Variants in ABCF2 observed in about 807,000 individuals in gnomAD.
ABCF2 encodes the protein ATP-binding cassette sub-family F member 2.
In ABCF2, 37 loss-of-function variants were observed where a neutral mutation model predicts 76.9. The observed-to-expected ratio is 0.48, with a 90% CI of 0.37 to 0.63. ABCF2 has a LOEUF of 0.63. Ranked by LOEUF, ABCF2 falls within the 30% of genes least tolerant of loss-of-function variation. The pLI is 0.00. For missense variants in ABCF2, 524 were observed against 782.1 expected (o/e 0.67, Z 3.94); for synonymous variants, 299 against 283.7 (o/e 1.05, Z -0.54).
intron 7 of ABCF2, 43 bp from the exon 8 acceptor site, chr7:151,219,202 G>T (rs1489597531): frequency 6.4e-7 from 1 of 1,560,810 alleles, no homozygotes; most frequent in Admixed American, 1.7e-5. Context: ...CTTTAACCTG[G>T]GTTTCAATCC....
chr7:151,218,723 C>T, intron 9 of ABCF2, 31 bp downstream of exon 9: 1 of 1,611,916 alleles, frequency 6.2e-7, no homozygotes. Flanking sequence ...CCCAACCCCA[C>T]CCAATCACAC....
intron 2 of ABCF2, among the ~76,000 whole-genome samples, chr7:151,225,774 A>G (rs556849798): frequency 6.6e-6 from 1 of 152,334 alleles, no homozygotes; most frequent in South Asian, 2.1e-4. Context: ...TCTAGACGGT[A>G]AGTTTTTGGA....
chr7:151,218,673 A>C (rs1279510808), intron 9 of ABCF2, 23 bp from the exon 10 acceptor site: 2 of 1,613,510 alleles, frequency 1.2e-6, no homozygotes, highest in South Asian at 1.1e-5. Flanking sequence ...GAGGGCATTT[A>C]TCAAGTTGGC....
chr7:151,219,253 T>C lies in ABCF2; in HGVS notation c.922-94A>G. On this transcript the variant is annotated intron_variant, in intron 7 of 14. Transcript: ENST00000287844. ...AGTTTAGGGGGATGAGGGATGGCAC[T>C]AACTTGGCCCTGGCTCTAAGGCTGT... is the stretch of plus-strand genomic sequence containing the variant. 5 of 1,078,340 alleles carry C rather than the reference T, an allele frequency of 4.6e-6. No homozygotes were observed. The South Asian group carries it at 6.2e-5, about 13-fold the overall frequency. 66.8% of individuals were successfully genotyped at this position (1,078,340 alleles called of 1,614,324 possible). A position where few individuals can be genotyped will look rare whatever the true frequency, so the allele number is the denominator to read the frequency against.
rs1802044507 is a variant in ABCF2, at chr7:151,211,531, T to C, written c.*2523A>G. 1.0e-6 allele frequency: 1 copy of C among 985,214 alleles called. No individual in the cohort carries two copies. Among genetic ancestry groups the C allele is most frequent in the Non-Finnish European group, 1.2e-6 (1 of 829,742 alleles). 61.0% of individuals were successfully genotyped at this position (985,214 alleles called of 1,614,324 possible). ...GTGGACTTTTAAAGCATTATTTAAA[T>C]TACCAAGGTTGACATTTTTCTTGAC... On this transcript the variant is annotated 3_prime_UTR_variant, in exon 15 of 15. Transcript: ENST00000287844.
intron 2 of ABCF2, among the ~76,000 whole-genome samples, chr7:151,225,560 T>C (rs1424069603): frequency 1.3e-5 from 2 of 152,192 alleles, no homozygotes; most frequent in East Asian, 1.9e-4. Context: ...TTGACAGAAA[T>C]GTCAAATGTA....
At chr7:151,219,511 G>C (rs1030024847) in intron 7 of ABCF2, among the ~76,000 whole-genome samples, 6 of 152,122 alleles carry the variant, frequency 3.9e-5, no homozygotes, top group African/African-American at 1.4e-4. Context: ...CCGTTCCCTA[G>C]AGGCTGAAGC....
intron 10 of ABCF2, 130 bp downstream of exon 10, chr7:151,218,431 T>C: frequency 1.2e-6 from 1 of 827,960 alleles, no homozygotes; most frequent in Non-Finnish European, 1.9e-6. Context: ...GCACCCCAGC[T>C]GCCACACCTG....
Position 151,214,898 on chromosome 7 carries a change from T to A in ABCF2, c.1715A>T (p.Asp572Val). ...CCTCACCTGCTGAATGAGTCTGAAG[T>A]CATGGCTGACCAGCATCATACCACC... The part of the protein sequence containing the change: ...FEGGMMLVSH[D>V]FRLIQQVAQE... The change falls in exon 14 of 15, where the codon GAC (aspartate) becomes GTC (valine). Residue 572 changes from aspartate to valine, a missense_variant. Transcript: ENST00000287844. The surrounding 1 kb of genome is among the most constrained non-coding windows in gnomAD (Gnocchi z 4.9). The A allele has an allele frequency of 6.2e-7, 1 of 1,614,154 alleles. No individual in the cohort carries two copies. The highest frequency in any genetic ancestry group is 8.5e-7 in the Non-Finnish European group (1 of 1,180,032).
chr7:151,224,725 G>A (rs1298046473), intron 3 of ABCF2, 51 bp downstream of exon 3: 3 of 1,508,398 alleles, frequency 2.0e-6, no homozygotes, highest in African/African-American at 1.4e-5. Flanking sequence ...GCTTGTGAGT[G>A]ACAGATGAGC....
At chr7:151,221,720 T>TG (rs1802272388) in intron 6 of ABCF2, 40 bp from the exon 7 acceptor site, 2 of 1,441,624 alleles carry the variant, frequency 1.4e-6, no homozygotes, top group African/African-American at 1.4e-5. Context: ...AGCTCAACCA[T>TG]GGGAGCTAGC....
Position 151,214,786 on chromosome 7 carries a change from T to A in ABCF2, c.1734+93A>T. The A allele has an allele frequency of 8.3e-7, 1 of 1,200,720 alleles. No individual in the cohort carries two copies. Among genetic ancestry groups the A allele is most frequent in the Non-Finnish European group, 1.2e-6 (1 of 822,422 alleles). The allele number at this position is 1,200,720 out of a possible 1,614,324, so 74.4% of individuals were successfully genotyped here. On this transcript the variant is annotated intron_variant, in intron 14 of 14. Coordinates refer to ENST00000287844, the MANE Select transcript of ABCF2 (RefSeq NM_007189.3). This position sits in a 1 kb window ranked among gnomAD's most constrained non-coding sequence, Gnocchi z 4.9. Reference sequence around the variant, plus strand: ...CTCTGAGCCCCTTCTCTTAATTCAGTAGGCGGGTATTATGCACCCTCCACA... The same window carrying A: ...CTCTGAGCCCCTTCTCTTAATTCAGAAGGCGGGTATTATGCACCCTCCACA...
chr7:151,225,108 T>C, intron 2 of ABCF2, 120 bp from the exon 3 acceptor site: 2 of 879,494 alleles, frequency 2.3e-6, no homozygotes, highest in Non-Finnish European at 3.7e-6. Flanking sequence ...TCCCAAACTT[T>C]ACAGAGTGCA....
At position 151,211,710 on chromosome 7, in the gene ABCF2, T is replaced by A; in HGVS notation, c.*2344A>T. 1 of 985,332 alleles carries A rather than the reference T, an allele frequency of 1.0e-6. No homozygotes were observed. Among genetic ancestry groups the A allele is most frequent in the South Asian group, 4.7e-5 (1 of 21,280 alleles). 61.0% of individuals were successfully genotyped at this position (985,332 alleles called of 1,614,324 possible). On this transcript the variant is annotated 3_prime_UTR_variant, in exon 15 of 15. Coordinates refer to ENST00000287844, the MANE Select transcript of ABCF2 (RefSeq NM_007189.3). ...GCTCTGTCCCTCACTGTCCCCATTATCCCAGCAGCCCACTCTCCAGATGCC... is the reference window on the plus strand; with the variant it reads ...GCTCTGTCCCTCACTGTCCCCATTAACCCAGCAGCCCACTCTCCAGATGCC...
intron 11 of ABCF2, among the ~76,000 whole-genome samples, chr7:151,217,539 G>A (rs1264968310): frequency 1.3e-5 from 2 of 152,150 alleles, no homozygotes; most frequent in East Asian, 1.9e-4. Flanking sequence ...GGTGGCTCAC[G>A]CCTGTAATCC....
chr7:151,221,200 T>C (rs1438981755), intron 7 of ABCF2, among the ~76,000 whole-genome samples: 1 of 146,874 alleles, frequency 6.8e-6, no homozygotes, highest in Non-Finnish European at 1.5e-5. Flanking sequence ...TAGATAGGTC[T>C]GCTTTTTTTT....
Position 151,214,916 on chromosome 7 carries a change from A to G in ABCF2, c.1697T>C (p.Met566Thr), listed in dbSNP as rs1017034901. The change falls in exon 14 of 15, where the codon ATG (methionine) becomes ACG (threonine). Residue 566 changes from methionine to threonine, a missense_variant. Physicochemically the swap from Met to Thr is moderately conservative, Grantham distance 81. Around this residue, in one of 2 missense-constraint regions of ABCF2, gnomAD observed 194 missense variants for 348.6 expected, o/e 0.56. Coordinates refer to ENST00000287844, the MANE Select transcript of ABCF2 (RefSeq NM_007189.3). The surrounding 1 kb of genome is among the most constrained non-coding windows in gnomAD (Gnocchi z 4.9). ...TCTGAAGTCATGGCTGACCAGCATCATACCACCCTCAAACTCATTGATGGC... is the reference window on the plus strand; with the variant it reads ...TCTGAAGTCATGGCTGACCAGCATCGTACCACCCTCAAACTCATTGATGGC... ...ADAINEFEGGMMLVSHDFRLI... is the reference protein window; with the variant it reads ...ADAINEFEGGTMLVSHDFRLI... The G allele has an allele frequency of 6.2e-7, 1 of 1,614,174 alleles. No homozygotes were observed. The highest frequency in any genetic ancestry group is 8.5e-7 in the Non-Finnish European group (1 of 1,180,018).
rs1802342167 is a variant in ABCF2 at position 151,224,879 on chromosome 7, G to GATGTGAAC, written c.256_263dup (p.Ile88MetfsTer24). The stretch of plus-strand genomic sequence containing the variant: ...CATGAAAGGTAAGTGAGAGGTTGAT[G>GATGTGAAC]ATGTGAACATCAGTACTGTTGGGGT... On this transcript the variant is annotated frameshift_variant, in exon 3 of 15. Coordinates refer to ENST00000287844, the MANE Select transcript of ABCF2 (RefSeq NM_007189.3). LOFTEE classifies it high-confidence loss of function. 6.2e-7 allele frequency: 1 copy of GATGTGAAC among 1,614,072 alleles called. No homozygotes were observed. The highest frequency in any genetic ancestry group is 8.5e-7 in the Non-Finnish European group (1 of 1,180,014).
At chr7:151,223,556 G>A (rs1334434023) in intron 5 of ABCF2, 122 bp downstream of exon 5, 7 of 1,158,130 alleles carry the variant, frequency 6.0e-6, no homozygotes, top group Non-Finnish European at 3.6e-6. Context: ...CCACACTGCA[G>A]ATGTCCATGT....
Sources: allele counts gnomAD v4.1 joint callset (sites outside exome capture counted in the v4.1 genomes callset), GRCh38; gene constraint gnomAD v4.1.1; regional missense constraint gnomAD v4.1.1; non-coding constraint Gnocchi (gnomAD v3.1); transcripts MANE v1.5; gene names NCBI Gene and HGNC (gene_info 2026-07-23, HGNC 2026-07-21).